Variants in ZNF804B observed in about 807,000 individuals in gnomAD.
ZNF804B encodes the protein zinc finger protein 804B.
ZNF804B carries 80 observed loss-of-function variants against 101.4 expected under a neutral mutation model. The ratio of observed to expected loss-of-function variants is 0.79; its 90% CI spans 0.66 to 0.95. The LOEUF is 0.95. ZNF804B is among the 40% of genes least tolerant of loss of function. ZNF804B has a pLI of 0.00. For synonymous variants in ZNF804B, 622 were observed against 558.8 expected (o/e 1.11, Z -1.59); for missense variants, 1,673 against 1,561.9 (o/e 1.07, Z -1.20).
At chr7:89,260,200 T>G (rs1789690537) in intron 2 of ZNF804B, among the ~76,000 whole-genome samples, 2 of 152,184 alleles carry the variant, frequency 1.3e-5, no homozygotes. Flanking sequence ...CCTTTCATCG[T>G]TCTGGGGTTA....
intron 1 of ZNF804B, among the ~76,000 whole-genome samples, chr7:88,843,575 A>C (rs1200417635): frequency 6.6e-6 from 1 of 152,062 alleles, no homozygotes; most frequent in East Asian, 1.9e-4. Context: ...GTCTCTACTA[A>C]AAATACAAAA....
At chr7:88,806,109 A>G (rs1790681156) in intron 1 of ZNF804B, among the ~76,000 whole-genome samples, 1 of 152,060 alleles carries the variant, frequency 6.6e-6, no homozygotes, top group Non-Finnish European at 1.5e-5. Flanking sequence ...TTAAATTTTT[A>G]AATTTTAAAT....
intron 1 of ZNF804B, among the ~76,000 whole-genome samples, chr7:88,991,880 CAT>C (rs371558293): frequency 1.3e-3 from 201 of 152,234 alleles, no homozygotes; most frequent in African/African-American, 4.7e-3. Flanking sequence ...TGGCCTGAAA[CAT>C]AGAGCTGAAC....
At chr7:89,252,132 A>C (rs1584084028) in intron 2 of ZNF804B, among the ~76,000 whole-genome samples, 1 of 152,124 alleles carries the variant, frequency 6.6e-6, no homozygotes, top group East Asian at 1.9e-4. Flanking sequence ...ATACAGAATG[A>C]GAGAAAGTAT....
At chr7:88,995,120 G>T (rs1793902504) in intron 1 of ZNF804B, among the ~76,000 whole-genome samples, 1 of 152,008 alleles carries the variant, frequency 6.6e-6, no homozygotes. Context: ...TATTGCCATG[G>T]TTCTGTTCTC....
chr7:88,982,219 A>G (rs539060684), intron 1 of ZNF804B, among the ~76,000 whole-genome samples: 11 of 152,014 alleles, frequency 7.2e-5, no homozygotes, highest in Non-Finnish European at 1.6e-4. Context: ...ACTCTATTGA[A>G]TGCAGGCTCT....
intron 1 of ZNF804B, among the ~76,000 whole-genome samples, chr7:88,884,842 C>A (rs1435092849): frequency 1.1e-4 from 16 of 151,702 alleles, no homozygotes; most frequent in Non-Finnish European, 2.4e-4. Flanking sequence ...TGAATTTTAA[C>A]CAGAATTATG....
At chr7:89,124,744 AG>A (rs1245554708) in intron 1 of ZNF804B, among the ~76,000 whole-genome samples, 5 of 152,154 alleles carry the variant, frequency 3.3e-5, no homozygotes, top group Non-Finnish European at 7.4e-5. Flanking sequence ...AAAGGTCAAT[AG>A]AGACTTGTGG....
chr7:89,104,186 G>GT (rs1790100704), intron 1 of ZNF804B, among the ~76,000 whole-genome samples: 1 of 151,896 alleles, frequency 6.6e-6, no homozygotes, highest in South Asian at 2.1e-4. Context: ...TTGGCCTGTA[G>GT]TTGTCTTTTT....
chr7:89,124,409 A>G (rs1790449664), intron 1 of ZNF804B, among the ~76,000 whole-genome samples: 1 of 152,180 alleles, frequency 6.6e-6, no homozygotes, highest in Non-Finnish European at 1.5e-5. Context: ...GAGTGAAAGC[A>G]TATACAAAAC....
At chr7:88,973,178 T>G (rs1793562154) in intron 1 of ZNF804B, among the ~76,000 whole-genome samples, 1 of 151,186 alleles carries the variant, frequency 6.6e-6, no homozygotes, top group South Asian at 2.1e-4. Flanking sequence ...TTTTACATAT[T>G]CATTAAAATA....
At chr7:88,814,656 T>A (rs1790847359) in intron 1 of ZNF804B, among the ~76,000 whole-genome samples, 1 of 152,094 alleles carries the variant, frequency 6.6e-6, no homozygotes, top group Non-Finnish European at 1.5e-5. Context: ...AACATTAAGC[T>A]ATGAATGAAA....
At chr7:88,894,550 T>G (rs1792259410) in intron 1 of ZNF804B, among the ~76,000 whole-genome samples, 1 of 151,988 alleles carries the variant, frequency 6.6e-6, no homozygotes, top group South Asian at 2.1e-4. Context: ...AGATTGAAAA[T>G]CCTAAGAAAA....
intron 1 of ZNF804B, among the ~76,000 whole-genome samples, chr7:88,850,730 C>T (rs903193786): frequency 5.9e-5 from 9 of 151,984 alleles, no homozygotes; most frequent in Non-Finnish European, 1.2e-4. Flanking sequence ...TACCCAATAA[C>T]TTAAACATTT....
At chr7:88,811,279 T>C (rs1434030046) in intron 1 of ZNF804B, among the ~76,000 whole-genome samples, 1 of 152,128 alleles carries the variant, frequency 6.6e-6, no homozygotes, top group Non-Finnish European at 1.5e-5. Flanking sequence ...CACTGATCTT[T>C]AGAGAAAATT....
intron 2 of ZNF804B, among the ~76,000 whole-genome samples, chr7:89,309,466 A>T (rs1455270549): frequency 6.6e-6 from 1 of 152,032 alleles, no homozygotes; most frequent in Non-Finnish European, 1.5e-5. Context: ...GATTTTAAAG[A>T]AGCAATATGC....
chr7:88,897,423 A>G (rs1208380662), intron 1 of ZNF804B, among the ~76,000 whole-genome samples: 2 of 152,136 alleles, frequency 1.3e-5, no homozygotes, highest in Non-Finnish European at 2.9e-5. Context: ...CAAGGTAACA[A>G]ATTCTCTCCT....
intron 1 of ZNF804B, among the ~76,000 whole-genome samples, chr7:89,047,665 G>A (rs377409979): frequency 3.9e-4 from 59 of 152,282 alleles, no homozygotes; most frequent in African/African-American, 1.4e-3. Context: ...ACATGCACAT[G>A]TGCAATTGAG....
chr7:89,279,835 A>G (rs1208865), intron 2 of ZNF804B, among the ~76,000 whole-genome samples: 1 of 151,608 alleles, frequency 6.6e-6, no homozygotes, highest in Non-Finnish European at 1.5e-5. Flanking sequence ...TGTCTCTGCC[A>G]GGCTTTGGTA....
Sources: allele counts gnomAD v4.1 joint callset (sites outside exome capture counted in the v4.1 genomes callset), GRCh38; gene constraint gnomAD v4.1.1; transcripts MANE v1.5; gene names NCBI Gene and HGNC (gene_info 2026-07-23, HGNC 2026-07-21).